The following ANO6 variants were observed in gnomAD, a reference collection of about 807,000 sequenced individuals.
ANO6 encodes anoctamin-6.
A neutral mutation model predicts 117.5 loss-of-function variants in ANO6; 106 were observed. That is an observed-to-expected ratio of 0.90 (90% CI 0.77 to 1.06). ANO6 has a LOEUF of 1.06. Ranked by LOEUF, ANO6 falls within the 50% of genes least tolerant of loss-of-function variation. ANO6 has a pLI of 0.00. For missense variants in ANO6, 955 were observed against 1,121.1 expected, an observed-to-expected ratio of 0.85 and a Z score of 2.12; for synonymous variants, 367 against 385.1, an observed-to-expected ratio of 0.95 and a Z score of 0.55.
At chr12:45,373,625 G>T (rs1305510489) in intron 9 of ANO6, among the ~76,000 whole-genome samples, 3 of 152,108 alleles carry the variant, frequency 2.0e-5, no homozygotes, top group East Asian at 1.9e-4. Flanking sequence ...GGTACATAAC[G>T]AAATGAAGGC....
chr12:45,413,441 A>T (rs17095871), intron 16 of ANO6, among the ~76,000 whole-genome samples: 15,191 of 152,262 alleles, frequency 0.1, 1,029 homozygotes, highest in East Asian at 0.36. Context: ...TATTTTTAGC[A>T]TGAAAACATC....
In ANO6 at chr12:45,431,888, T is replaced by G; in HGVS notation, c.*2577T>G. 2 of 985,448 alleles carry G rather than the reference T, an allele frequency of 2.0e-6. No homozygotes were observed. Among genetic ancestry groups the G allele is most frequent in the Non-Finnish European group, 2.4e-6 (2 of 829,932 alleles). 61.0% of individuals were successfully genotyped at this position (985,448 alleles called of 1,614,324 possible). ...TTAATGCCTGTGAATTTTAGCATAT[T>G]GAAACATTAGAGCAAATACTCAGGG... On this transcript the variant is annotated 3_prime_UTR_variant, in exon 20 of 20. Coordinates refer to ENST00000320560, the MANE Select transcript of ANO6 (RefSeq NM_001025356.3).
intron 1 of ANO6, among the ~76,000 whole-genome samples, chr12:45,249,424 T>C (rs1166957430): frequency 1.3e-5 from 2 of 152,240 alleles, no homozygotes; most frequent in South Asian, 2.1e-4. Context: ...ATATTAAATA[T>C]TCTGAAAGTT....
intron 1 of ANO6, among the ~76,000 whole-genome samples, chr12:45,256,136 C>T (rs1937818691): frequency 6.6e-6 from 1 of 152,098 alleles, no homozygotes; most frequent in East Asian, 1.9e-4. Flanking sequence ...TCCCTATGAT[C>T]TTGAAGTGAC....
intron 1 of ANO6, among the ~76,000 whole-genome samples, chr12:45,245,522 A>C (rs1947811881): frequency 6.6e-6 from 1 of 150,630 alleles, no homozygotes; most frequent in South Asian, 2.1e-4. Flanking sequence ...TGCTTGCCTG[A>C]ATCTGCTTTT....
Position 45,430,426 on chromosome 12 carries a change from T to G in ANO6, c.*1115T>G. ...AGGAGTCTGCAGGAATTGGCTTATT[T>G]CTGTATGCCAAAGTGATCAACACAC... On this transcript the variant is annotated 3_prime_UTR_variant, in exon 20 of 20. Coordinates refer to ENST00000320560, the MANE Select transcript of ANO6 (RefSeq NM_001025356.3). The G allele has an allele frequency of 1.0e-6, 1 of 985,388 alleles. No homozygotes were observed. The highest frequency in any genetic ancestry group is 1.2e-6 in the Non-Finnish European group (1 of 829,938). 61.0% of individuals were successfully genotyped at this position (985,388 alleles called of 1,614,324 possible). A position where few individuals can be genotyped will look rare whatever the true frequency, so the allele number is the denominator to read the frequency against.
At chr12:45,260,958 T>G (rs573894709) in intron 1 of ANO6, among the ~76,000 whole-genome samples, 88 of 151,818 alleles carry the variant, frequency 5.8e-4, no homozygotes, top group African/African-American at 1.3e-3. Context: ...CGGCTGTTTT[T>G]TTTGTTTGTT....
chr12:45,296,152 G>A (rs1283061006), intron 1 of ANO6, among the ~76,000 whole-genome samples: 1 of 152,166 alleles, frequency 6.6e-6, no homozygotes, highest in Non-Finnish European at 1.5e-5. Flanking sequence ...CTGGCATTCA[G>A]GTCAAATATT....
chr12:45,334,656 C>T (rs1940772782), intron 3 of ANO6, among the ~76,000 whole-genome samples: 2 of 152,126 alleles, frequency 1.3e-5, no homozygotes, highest in Non-Finnish European at 2.9e-5. Context: ...TCTCTTGAGT[C>T]ACCTGATCAC....
intron 19 of ANO6, among the ~76,000 whole-genome samples, chr12:45,425,194 T>C (rs1459306562): frequency 2.0e-5 from 3 of 152,132 alleles, no homozygotes; most frequent in African/African-American, 4.8e-5. Flanking sequence ...AAAACATGGA[T>C]TAAACAGAAG....
rs1263690551 is a variant in ANO6, at chr12:45,244,899, A to G, written c.70+28508A>G. On this transcript the variant is annotated intron_variant, in intron 1 of 19. Coordinates refer to ENST00000320560, the MANE Select transcript of ANO6 (RefSeq NM_001025356.3). ...TGGTCATAGCAGGGATGGAGAGCTT[A>G]CATCGAATGGCCTGAACAATTAATG... Among the ~76,000 whole-genome samples, 4 of 152,224 alleles carry G rather than the reference A, an allele frequency of 2.6e-5. No individual in the cohort carries two copies. The East Asian group carries it at 7.7e-4, about 29-fold the overall frequency.
chr12:45,222,847 G>A (rs1947424869), intron 1 of ANO6, among the ~76,000 whole-genome samples: 1 of 152,216 alleles, frequency 6.6e-6, no homozygotes, highest in Non-Finnish European at 1.5e-5. Context: ...AGAAAAATCT[G>A]ATCAGACAGG....
chr12:45,367,890 G>T (rs927463103), intron 9 of ANO6, 97 bp downstream of exon 9: 1 of 905,286 alleles, frequency 1.1e-6, no homozygotes, highest in African/African-American at 1.7e-5. Flanking sequence ...TTTCCTCTGA[G>T]GAATTAAGAT....
chr12:45,351,859 T>G lies in ANO6; in HGVS notation c.863+1085T>G, dbSNP rs570325476. 3.9e-5 allele frequency among the ~76,000 whole-genome samples: 5 copies of G among 129,726 alleles called. No homozygotes were observed. In the South Asian group the frequency reaches 1.1e-3, roughly 29 times the overall value. The allele number at this position is 129,726 out of a possible 152,430, so 85.1% of individuals were successfully genotyped here. A position where few individuals can be genotyped will look rare whatever the true frequency, so the allele number is the denominator to read the frequency against. On this transcript the variant is annotated intron_variant, in intron 7 of 19. Transcript: ENST00000320560. ...AGTTGTAATATTTTAAATGTTTAAG[T>G]CATTGTATCCTATTCACGTTTTGCA...
At chr12:45,265,757 C>T (rs564068640) in intron 1 of ANO6, among the ~76,000 whole-genome samples, 130 of 152,240 alleles carry the variant, frequency 8.5e-4, no homozygotes, top group African/African-American at 3.0e-3. Flanking sequence ...AGGGATAAAG[C>T]GCAAACCTCA....
intron 1 of ANO6, among the ~76,000 whole-genome samples, chr12:45,301,079 G>A (rs750387826): frequency 1.7e-4 from 26 of 152,160 alleles, no homozygotes; most frequent in Non-Finnish European, 2.2e-4. Flanking sequence ...TCTGAACTGA[G>A]ATGCACTGTG....
chr12:45,240,659 A>G (rs1185663408), intron 1 of ANO6, among the ~76,000 whole-genome samples: 1 of 148,674 alleles, frequency 6.7e-6, no homozygotes, highest in Non-Finnish European at 1.5e-5. Context: ...TGGTCTTTAC[A>G]ATTTGGCATG....
intron 1 of ANO6, among the ~76,000 whole-genome samples, chr12:45,263,344 AC>A (rs1938107772): frequency 6.8e-6 from 1 of 147,656 alleles, no homozygotes; most frequent in Non-Finnish European, 1.5e-5. Flanking sequence ...AGCTGGGACT[AC>A]AACCATCATG....
chr12:45,225,943 T>TTG (rs1947476493), intron 1 of ANO6, among the ~76,000 whole-genome samples: 1 of 152,206 alleles, frequency 6.6e-6, no homozygotes, highest in Non-Finnish European at 1.5e-5. Context: ...AAATCATATG[T>TTG]AAAGATACAG....
Sources: allele counts gnomAD v4.1 joint callset (sites outside exome capture counted in the v4.1 genomes callset), GRCh38; gene constraint gnomAD v4.1.1; transcripts MANE v1.5; gene names NCBI Gene and HGNC (gene_info 2026-07-23, HGNC 2026-07-21).